Variants in DOP1B observed in about 807,000 individuals in gnomAD.
DOP1B encodes the protein DOP1 leucine zipper like protein B.
In DOP1B, 174 loss-of-function variants were observed where a neutral mutation model predicts 233.5. The observed-to-expected ratio is 0.75, with a 90% CI of 0.66 to 0.85. The LOEUF (loss-of-function observed/expected upper bound fraction) is 0.85. DOP1B is among the 40% of genes least tolerant of loss of function. The probability of loss-of-function intolerance (pLI) is 0.00; values close to 1 mark genes in which losing one functional copy is unlikely to be tolerated. For missense variants in DOP1B, 2,652 were observed against 2,846.6 expected (o/e 0.93, Z 1.56); for synonymous variants, 1,190 against 1,185.6 (o/e 1.00, Z -0.08).
chr21:36,267,508 A>AC (rs1401314296), intron 26 of DOP1B, among the ~76,000 whole-genome samples: 1 of 151,800 alleles, frequency 6.6e-6, no homozygotes, highest in East Asian at 1.9e-4. Context: ...ACATAGGGAG[A>AC]CCCCATCTCT....
chr21:36,245,644 G>A lies in DOP1B; in HGVS notation c.3664G>A (p.Glu1222Lys), dbSNP rs1043078276. 9 of 1,613,358 alleles carry A rather than the reference G, an allele frequency of 5.6e-6. No individual in the cohort carries two copies. Among genetic ancestry groups the A allele is most frequent in the Middle Eastern group, 1.7e-4 (1 of 6,060 alleles). Residue 1222 changes from glutamate (E) to lysine (K), a missense_variant, in exon 19 of 37, where the codon GAG (glutamate) becomes AAG (lysine). Coordinates refer to ENST00000691173, the MANE Select transcript of DOP1B (RefSeq NM_001320714.2). The surrounding 1 kb of genome is among the most constrained non-coding windows in gnomAD (Gnocchi z 5.5). ...KQQRERQEAV[E>K]ALFKHILLYL... is the part of the protein sequence containing the mutation. ...GCAGCGGGAAAGGCAGGAGGCCGTC[G>A]AGGCCTTGTTCAAGCACATCCTGCT...
chr21:36,239,009 A>C (rs1050856572), intron 17 of DOP1B, among the ~76,000 whole-genome samples: 8 of 152,160 alleles, frequency 5.3e-5, no homozygotes, highest in Non-Finnish European at 8.8e-5. Flanking sequence ...ATGGTGAGGC[A>C]GTAGAATCAC....
intron 15 of DOP1B, among the ~76,000 whole-genome samples, chr21:36,233,589 G>A (rs2066792098): frequency 6.6e-6 from 1 of 152,222 alleles, no homozygotes; most frequent in African/African-American, 2.4e-5. Context: ...TGGCTCAAGT[G>A]CCATGACTCT....
At chr21:36,177,527 C>G (rs2066045182) in intron 2 of DOP1B, among the ~76,000 whole-genome samples, 1 of 152,122 alleles carries the variant, frequency 6.6e-6, no homozygotes, top group Non-Finnish European at 1.5e-5. Flanking sequence ...CTTCCAAAGT[C>G]CATGCTGAAA....
intron 36 of DOP1B, among the ~76,000 whole-genome samples, chr21:36,292,611 GTTT>G (rs35069387): frequency 6.6e-4 from 82 of 124,718 alleles, no homozygotes; most frequent in East Asian, 3.8e-3. Flanking sequence ...TTGTTTTTGG[GTTT>G]TTTTTTTTTT....
At chr21:36,181,831 C>CA (rs61372264) in intron 2 of DOP1B, among the ~76,000 whole-genome samples, 2 of 151,912 alleles carry the variant, frequency 1.3e-5, no homozygotes, top group African/African-American at 4.8e-5. Context: ...CACTCACCTT[C>CA]CATTTAATGG....
chr21:36,240,035 T>A lies in DOP1B; in HGVS notation c.3067+80T>A, dbSNP rs1434041793. 3 of 1,443,542 alleles carry A rather than the reference T, an allele frequency of 2.1e-6. No individual in the cohort carries two copies. The African/African-American group carries it at 4.3e-5, about 21-fold the overall frequency. 89.4% of individuals were successfully genotyped at this position (1,443,542 alleles called of 1,614,324 possible). On this transcript the variant is annotated intron_variant, in intron 18 of 36. Coordinates refer to ENST00000691173, the MANE Select transcript of DOP1B (RefSeq NM_001320714.2). Reference sequence around the variant, plus strand: ...ACCTCAGCAGTGATAGCTGAGAGACTGAGGCCCACTAGGGGGTTTTGTTAG... The same window carrying A: ...ACCTCAGCAGTGATAGCTGAGAGACAGAGGCCCACTAGGGGGTTTTGTTAG...
chr21:36,203,637 G>A (rs1405029297), intron 4 of DOP1B, among the ~76,000 whole-genome samples: 1 of 141,874 alleles, frequency 7.0e-6, no homozygotes, highest in Non-Finnish European at 1.5e-5. Flanking sequence ...AGAAAGGGAG[G>A]GTGCAGTGGG....
intron 27 of DOP1B, among the ~76,000 whole-genome samples, chr21:36,273,452 A>G (rs2067313962): frequency 6.6e-6 from 1 of 152,136 alleles, no homozygotes; most frequent in Non-Finnish European, 1.5e-5. Context: ...AAAGTAAATT[A>G]CCAAGAGAAT....
intron 2 of DOP1B, among the ~76,000 whole-genome samples, chr21:36,168,757 T>C (rs2065940620): frequency 6.6e-6 from 1 of 152,040 alleles, no homozygotes; most frequent in African/African-American, 2.4e-5. Context: ...GGTCTCGAAC[T>C]CCTGACCTCA....
At chr21:36,253,991 T>C in intron 23 of DOP1B, 82 bp downstream of exon 23, 1 of 1,509,516 alleles carries the variant, frequency 6.6e-7, no homozygotes, top group South Asian at 1.2e-5. Flanking sequence ...ATAAATCGTG[T>C]TTGGGAGGGA....
chr21:36,210,552 A>G (rs2066484328), intron 5 of DOP1B, among the ~76,000 whole-genome samples: 1 of 152,096 alleles, frequency 6.6e-6, no homozygotes, highest in South Asian at 2.1e-4. Context: ...GGCTGAGACA[A>G]AGGAATCGCT....
At chr21:36,271,679 C>T (rs1240215241) in intron 27 of DOP1B, among the ~76,000 whole-genome samples, 2 of 152,070 alleles carry the variant, frequency 1.3e-5, no homozygotes, top group Non-Finnish European at 2.9e-5. Flanking sequence ...GCTGGTGTCC[C>T]ACCATGTGTA....
chr21:36,206,822 C>T (rs77335750), intron 4 of DOP1B, among the ~76,000 whole-genome samples: 2,432 of 152,318 alleles, frequency 0.016, 28 homozygotes, highest in Non-Finnish European at 0.025. Flanking sequence ...CAATCAATAA[C>T]CTCAGCCATT....
At chr21:36,161,525 GT>G (rs1459414574) in intron 1 of DOP1B, among the ~76,000 whole-genome samples, 1 of 152,012 alleles carries the variant, frequency 6.6e-6, no homozygotes, top group Non-Finnish European at 1.5e-5. Context: ...TGTTGTTGTT[GT>G]TTTTGAGACA....
intron 26 of DOP1B, among the ~76,000 whole-genome samples, chr21:36,265,557 G>A (rs1282767713): frequency 1.3e-5 from 2 of 152,196 alleles, no homozygotes; most frequent in Non-Finnish European, 2.9e-5. Context: ...AGCCCTCCCT[G>A]CTTTCGTGGC....
chr21:36,188,735 C>G (rs767301417), intron 2 of DOP1B, among the ~76,000 whole-genome samples: 5 of 152,228 alleles, frequency 3.3e-5, no homozygotes, highest in Non-Finnish European at 5.9e-5. Context: ...GGCTGACTTA[C>G]ATTTCTTTCT....
intron 32 of DOP1B, among the ~76,000 whole-genome samples, chr21:36,286,291 GT>G (rs1466429602): frequency 6.6e-6 from 1 of 152,076 alleles, no homozygotes; most frequent in African/African-American, 2.4e-5. Flanking sequence ...CACTGCATAT[GT>G]ACTGGGAATT....
At chr21:36,265,275 A>G (rs989972007) in intron 26 of DOP1B, among the ~76,000 whole-genome samples, 1 of 152,130 alleles carries the variant, frequency 6.6e-6, no homozygotes, top group African/African-American at 2.4e-5. Context: ...GGATGCCTAT[A>G]ATCCCAGCTA....
Sources: allele counts gnomAD v4.1 joint callset (sites outside exome capture counted in the v4.1 genomes callset), GRCh38; gene constraint gnomAD v4.1.1; non-coding constraint Gnocchi (gnomAD v3.1); transcripts MANE v1.5; gene names NCBI Gene and HGNC (gene_info 2026-07-23, HGNC 2026-07-21).